EYS: variants seen among roughly 807,000 people sequenced by gnomAD.
EYS encodes the protein protein eyes shut homolog.
A neutral mutation model predicts 282.1 loss-of-function variants in EYS; 250 were observed. The ratio of observed to expected loss-of-function variants is 0.89; its 90% CI spans 0.80 to 0.98. EYS has a LOEUF of 0.98. Among genes scored for constraint, EYS ranks in the 50% least tolerant of loss-of-function variants. EYS has a pLI of 0.00. For missense variants in EYS, 4,016 were observed against 3,709.0 expected (o/e 1.08, Z -2.15); for synonymous variants, 1,355 against 1,282.9 (o/e 1.06, Z -1.20).
chr6:64,735,132 G>A (rs1183818142), intron 22 of EYS, among the ~76,000 whole-genome samples: 1 of 149,198 alleles, frequency 6.7e-6, no homozygotes, highest in Non-Finnish European at 1.5e-5. Context: ...CGCCCAGGCT[G>A]TAGTGCAGCG....
At chr6:65,625,729 TCAAA>T (rs772210375) in intron 2 of EYS, among the ~76,000 whole-genome samples, 11 of 152,206 alleles carry the variant, frequency 7.2e-5, no homozygotes, top group African/African-American at 1.9e-4. Context: ...AAAACTTGCA[TCAAA>T]CTATTTTGTT....
At chr6:64,720,988 T>C (rs1771559828) in intron 22 of EYS, among the ~76,000 whole-genome samples, 1 of 115,456 alleles carries the variant, frequency 8.7e-6, no homozygotes, top group Non-Finnish European at 1.8e-5. Context: ...CTCTGTAAAC[T>C]GAAAATAAGT....
chr6:63,757,817 T>C (rs946567020), intron 41 of EYS, among the ~76,000 whole-genome samples: 2 of 152,178 alleles, frequency 1.3e-5, no homozygotes, highest in Non-Finnish European at 2.9e-5. Flanking sequence ...TTGGATCTCT[T>C]CGTATTGCCT....
intron 2 of EYS, among the ~76,000 whole-genome samples, chr6:65,499,980 A>G (rs893337899): frequency 2.0e-5 from 3 of 152,044 alleles, no homozygotes; most frequent in African/African-American, 7.2e-5. Context: ...AACTTAAGTC[A>G]CCATAGTGTC....
intron 26 of EYS, among the ~76,000 whole-genome samples, chr6:64,443,512 A>G (rs1283112591): frequency 6.6e-6 from 1 of 152,170 alleles, no homozygotes; most frequent in East Asian, 1.9e-4. Flanking sequence ...GTGTGAAATG[A>G]TAAGATTTGG....
chr6:65,648,891 TC>T (rs1248347874), intron 1 of EYS, among the ~76,000 whole-genome samples: 1 of 151,918 alleles, frequency 6.6e-6, no homozygotes, highest in Non-Finnish European at 1.5e-5. Context: ...ATGCCTGTAA[TC>T]CCAGCACTTT....
At chr6:65,497,954 A>G (rs1018247935) in intron 2 of EYS, among the ~76,000 whole-genome samples, 10 of 152,066 alleles carry the variant, frequency 6.6e-5, no homozygotes, top group African/African-American at 1.9e-4. Flanking sequence ...AAGAATTGAG[A>G]CACTTGTGGA....
At chr6:65,553,488 G>T (rs139807769) in intron 2 of EYS, among the ~76,000 whole-genome samples, 1 of 152,080 alleles carries the variant, frequency 6.6e-6, no homozygotes, top group African/African-American at 2.4e-5. Flanking sequence ...CGAGCACAGA[G>T]AATTCAATGA....
At chr6:65,560,194 T>G (rs1768984802) in intron 2 of EYS, among the ~76,000 whole-genome samples, 1 of 141,074 alleles carries the variant, frequency 7.1e-6, no homozygotes, top group Admixed American at 7.6e-5. Flanking sequence ...AATAATAATA[T>G]TTATACTTAT....
intron 35 of EYS, among the ~76,000 whole-genome samples, chr6:63,945,325 G>A (rs1036431001): frequency 1.3e-5 from 2 of 152,012 alleles, no homozygotes; most frequent in Admixed American, 1.3e-4. Context: ...GAACTATCAC[G>A]AGAATAGCAT....
intron 19 of EYS, among the ~76,000 whole-genome samples, chr6:64,850,366 C>T (rs1356671219): frequency 6.6e-6 from 1 of 152,072 alleles, no homozygotes; most frequent in Non-Finnish European, 1.5e-5. Context: ...TTTGTAGAAA[C>T]TCCATTTCAT....
chr6:65,635,920 C>T (rs1381644289), intron 2 of EYS, among the ~76,000 whole-genome samples: 1 of 152,168 alleles, frequency 6.6e-6, no homozygotes, highest in Non-Finnish European at 1.5e-5. Context: ...TACCTGGCCA[C>T]CCCATCCCTT....
At chr6:65,560,827 C>T (rs1218706987) in intron 2 of EYS, among the ~76,000 whole-genome samples, 1 of 151,998 alleles carries the variant, frequency 6.6e-6, no homozygotes, top group Non-Finnish European at 1.5e-5. Flanking sequence ...ACAGTATCTT[C>T]TTATTCTATG....
chr6:63,740,026 C>G (rs1769033089), intron 41 of EYS, among the ~76,000 whole-genome samples: 1 of 152,008 alleles, frequency 6.6e-6, no homozygotes, highest in East Asian at 1.9e-4. Context: ...ATTTATAGCA[C>G]TTAAGATTAC....
chr6:63,829,403 C>A (rs1046638521), intron 36 of EYS, among the ~76,000 whole-genome samples: 1 of 152,194 alleles, frequency 6.6e-6, no homozygotes, highest in African/African-American at 2.4e-5. Flanking sequence ...AAATGGCACA[C>A]CAGGAGATTA....
intron 29 of EYS, chr6:64,377,868 T>C (rs1246259398): frequency 6.6e-6 from 1 of 152,132 alleles, no homozygotes; most frequent in East Asian, 1.9e-4. Context: ...CACTGCCTAG[T>C]TGTATAAGCT....
chr6:65,048,327 G>A (rs757156487), intron 13 of EYS, among the ~76,000 whole-genome samples: 75 of 151,804 alleles, frequency 4.9e-4, no homozygotes, highest in Non-Finnish European at 1.0e-3. Context: ...TTCTTGTGAA[G>A]GTTACCAAGG....
chr6:64,912,347 G>A (rs891379645), intron 16 of EYS, 137 bp downstream of exon 16: 4 of 653,136 alleles, frequency 6.1e-6, no homozygotes, highest in African/African-American at 3.7e-5. Flanking sequence ...TGGATTTGAA[G>A]TTAGATAGTC....
At chr6:65,068,032 T>C (rs574894913) in intron 12 of EYS, among the ~76,000 whole-genome samples, 32 of 152,246 alleles carry the variant, frequency 2.1e-4, no homozygotes, top group African/African-American at 7.5e-4. Context: ...TAAAAATCAC[T>C]GTATTGCAAA....
Sources: allele counts gnomAD v4.1 joint callset (sites outside exome capture counted in the v4.1 genomes callset), GRCh38; gene constraint gnomAD v4.1.1; transcripts MANE v1.5; gene names NCBI Gene and HGNC (gene_info 2026-07-23, HGNC 2026-07-21).